RUNDC3B: variants seen among roughly 807,000 people sequenced by gnomAD.
RUNDC3B encodes the protein RUN domain-containing protein 3B.
Under a neutral mutation model 58.4 loss-of-function variants are expected in RUNDC3B, and 33 were observed. That is an observed-to-expected ratio of 0.56 (90% CI 0.43 to 0.75). The LOEUF (loss-of-function observed/expected upper bound fraction) is 0.75, where lower values mean the gene tolerates loss of function less well. Ranked by LOEUF, RUNDC3B falls within the 30% of genes least tolerant of loss-of-function variation. The probability of loss-of-function intolerance (pLI) is 0.00; values close to 1 mark genes in which losing one functional copy is unlikely to be tolerated. For missense variants in RUNDC3B, 501 were observed against 535.7 expected (o/e 0.94, Z 0.64); for synonymous variants, 193 against 195.2 (o/e 0.99, Z 0.10).
chr7:87,724,690 G>A (rs187083135), intron 4 of RUNDC3B, among the ~76,000 whole-genome samples: 5 of 152,044 alleles, frequency 3.3e-5, no homozygotes, highest in Admixed American at 2.6e-4. Context: ...TCTTGTCATA[G>A]TAATCAAAAT....
At chr7:87,814,664 A>G (rs1836933845) in intron 9 of RUNDC3B, among the ~76,000 whole-genome samples, 1 of 152,192 alleles carries the variant, frequency 6.6e-6, no homozygotes, top group Non-Finnish European at 1.5e-5. Context: ...AATGTTAGAT[A>G]TCATTTTTAT....
rs542743591 is a variant in RUNDC3B, at chr7:87,807,501, A to T, written c.1085A>T (p.His362Leu). 3.7e-6 allele frequency: 6 copies of T among 1,613,514 alleles called. No individual in the cohort carries two copies. The African/African-American group carries it at 6.7e-5, about 18-fold the overall frequency. ...TTGGATACGTTGCTTTACCGAAAACACAATAAACAGTGGTATGAGTAAGTG... is the reference window on the plus strand; with the variant it reads ...TTGGATACGTTGCTTTACCGAAAACTCAATAAACAGTGGTATGAGTAAGTG... ...VALDTLLYRK[H>L]NKQWYEKSYQ... The change falls in exon 9 of 11, where the codon CAC becomes CTC. Residue 362 changes from histidine to leucine, a missense_variant. Coordinates refer to ENST00000394654, the MANE Select transcript of RUNDC3B (RefSeq NM_001134405.2).
chr7:87,720,367 G>A (rs1045121494), intron 4 of RUNDC3B, among the ~76,000 whole-genome samples: 1 of 152,006 alleles, frequency 6.6e-6, no homozygotes, highest in African/African-American at 2.4e-5. Context: ...GCACTCTTTG[G>A]TGAGGATATG....
At chr7:87,765,721 A>G (rs1833943109) in intron 6 of RUNDC3B, among the ~76,000 whole-genome samples, 1 of 152,110 alleles carries the variant, frequency 6.6e-6, no homozygotes, top group Non-Finnish European at 1.5e-5. Flanking sequence ...CCATATGGTC[A>G]GTTTTGGAGA....
At chr7:87,667,108 C>A (rs1161389635) in intron 2 of RUNDC3B, among the ~76,000 whole-genome samples, 3 of 152,098 alleles carry the variant, frequency 2.0e-5, no homozygotes, top group Non-Finnish European at 4.4e-5. Context: ...GATATTGATT[C>A]TTCCTATTCA....
At chr7:87,649,833 A>G (rs1823396751) in intron 1 of RUNDC3B, among the ~76,000 whole-genome samples, 1 of 152,252 alleles carries the variant, frequency 6.6e-6, no homozygotes, top group African/African-American at 2.4e-5. Context: ...GTAGTAGTGA[A>G]TAAGTCTCAC....
intron 2 of RUNDC3B, among the ~76,000 whole-genome samples, chr7:87,680,340 G>A (rs540288783): frequency 2.7e-5 from 4 of 150,788 alleles, no homozygotes; most frequent in Non-Finnish European, 4.4e-5. Context: ...AGGGATTCTC[G>A]AGGAAAATTA....
intron 10 of RUNDC3B, among the ~76,000 whole-genome samples, chr7:87,824,246 C>A (rs551056886): frequency 6.6e-6 from 1 of 152,156 alleles, no homozygotes; most frequent in Non-Finnish European, 1.5e-5. Context: ...AATGACGTGT[C>A]ATGTGAGGAA....
At position 87,741,594 on chromosome 7, in the gene RUNDC3B, G is replaced by T. The variant is rs781380752; in HGVS notation, c.629+15G>T. On this transcript the variant is annotated intron_variant, in intron 6 of 10. Coordinates refer to ENST00000394654, the MANE Select transcript of RUNDC3B (RefSeq NM_001134405.2). Reference sequence around the variant, plus strand: ...TATATCCAAAGGTATGTGACATTTTGAGATATGTTTTTTAAAATCTTATTT... The same window carrying T: ...TATATCCAAAGGTATGTGACATTTTTAGATATGTTTTTTAAAATCTTATTT... The T allele has an allele frequency of 6.3e-6, 9 of 1,424,710 alleles. No individual in the cohort carries two copies. In the South Asian group the frequency reaches 1.1e-4, roughly 18 times the overall value. 88.3% of individuals were successfully genotyped at this position (1,424,710 alleles called of 1,614,324 possible).
intron 3 of RUNDC3B, among the ~76,000 whole-genome samples, chr7:87,705,767 G>T (rs570423751): frequency 6.6e-6 from 1 of 151,936 alleles, no homozygotes; most frequent in Non-Finnish European, 1.5e-5. Flanking sequence ...CTGCTCTTGG[G>T]TCATATGCTC....
At position 87,710,555 on chromosome 7, in the gene RUNDC3B, T is replaced by G; in HGVS notation, c.373-15T>G. 6.8e-7 allele frequency: 1 copy of G among 1,473,244 alleles called. No individual in the cohort carries two copies. Among genetic ancestry groups the G allele is most frequent in the East Asian group, 2.3e-5 (1 of 43,320 alleles). The allele number at this position is 1,473,244 out of a possible 1,614,324, so 91.3% of individuals were successfully genotyped here. ...TTAATTTTTTTTATATTTGATTCTT[T>G]CTTCTTCCTTTTAGGGTAGAGCCTG... On this transcript the variant is annotated splice_polypyrimidine_tract_variant and intron_variant, in intron 3 of 10. Transcript: ENST00000394654.
chr7:87,739,462 AT>A (rs1337578730), intron 4 of RUNDC3B, among the ~76,000 whole-genome samples: 8 of 152,020 alleles, frequency 5.3e-5, no homozygotes, highest in Non-Finnish European at 1.2e-4. Flanking sequence ...TTACATTTAT[AT>A]TGCTTCACTA....
chr7:87,795,445 T>C (rs963745731), intron 8 of RUNDC3B, among the ~76,000 whole-genome samples: 1 of 152,138 alleles, frequency 6.6e-6, no homozygotes, highest in African/African-American at 2.4e-5. Context: ...CTCACCCCAG[T>C]TAAAATGGCT....
At chr7:87,765,564 G>A (rs1833933364) in intron 6 of RUNDC3B, among the ~76,000 whole-genome samples, 1 of 152,002 alleles carries the variant, frequency 6.6e-6, no homozygotes, top group Admixed American at 6.6e-5. Context: ...ATGTCTTCCA[G>A]GAGCAAGTTG....
At chr7:87,753,066 G>A (rs1833120929) in intron 6 of RUNDC3B, among the ~76,000 whole-genome samples, 1 of 152,102 alleles carries the variant, frequency 6.6e-6, no homozygotes, top group Admixed American at 6.5e-5. Flanking sequence ...AGAGATTCTG[G>A]TATGTTGTGT....
At chr7:87,667,015 A>G (rs571193794) in intron 2 of RUNDC3B, among the ~76,000 whole-genome samples, 2 of 152,240 alleles carry the variant, frequency 1.3e-5, no homozygotes, top group East Asian at 3.9e-4. Flanking sequence ...GTTTTTATCT[A>G]GTTCTGTGAA....
intron 1 of RUNDC3B, among the ~76,000 whole-genome samples, chr7:87,629,908 G>C (rs28381769): frequency 0.013 from 1,888 of 149,812 alleles, 39 homozygotes; most frequent in African/African-American, 0.045. Flanking sequence ...GGACCACAGG[G>C]GGAGACTTCG....
intron 6 of RUNDC3B, among the ~76,000 whole-genome samples, chr7:87,751,100 C>G (rs1216101679): frequency 6.6e-6 from 1 of 152,160 alleles, no homozygotes; most frequent in Admixed American, 6.5e-5. Flanking sequence ...CTACATATGG[C>G]TAGCCAGTTT....
intron 10 of RUNDC3B, among the ~76,000 whole-genome samples, chr7:87,819,861 C>T (rs1837313505): frequency 6.6e-6 from 1 of 151,890 alleles, no homozygotes; most frequent in Admixed American, 6.6e-5. Flanking sequence ...CCCAACATAC[C>T]AGAATCTCTG....
Sources: allele counts gnomAD v4.1 joint callset (sites outside exome capture counted in the v4.1 genomes callset), GRCh38; gene constraint gnomAD v4.1.1; transcripts MANE v1.5; gene names NCBI Gene and HGNC (gene_info 2026-07-23, HGNC 2026-07-21).